Variants in OTUD7A observed in about 807,000 individuals in gnomAD.
OTUD7A encodes OTU deubiquitinase 7A.
A neutral mutation model predicts 65.7 loss-of-function variants in OTUD7A; 12 were observed. The ratio of observed to expected loss-of-function variants is 0.18; its 90% CI spans 0.12 to 0.30. OTUD7A has a LOEUF of 0.30. Among genes scored for constraint, OTUD7A ranks in the 10% least tolerant of loss-of-function variants. The pLI, the probability that OTUD7A is intolerant of heterozygous loss-of-function variation, is 1.00. For synonymous variants in OTUD7A, 641 were observed against 586.3 expected (o/e 1.09, Z -1.35); for missense variants, 1,148 against 1,304.8 (o/e 0.88, Z 1.85).
intron 1 of OTUD7A, among the ~76,000 whole-genome samples, chr15:31,713,641 C>T (rs1454245394): frequency 6.7e-6 from 1 of 149,380 alleles, no homozygotes; most frequent in African/African-American, 2.5e-5. Context: ...AATAAAAAAC[C>T]CTAACAGATA....
chr15:31,483,844 G>A lies in OTUD7A; in HGVS notation c.2252C>T (p.Ser751Phe), dbSNP rs2041181249. ...CGCACGCCGCGCGCCTCCCCCCGGG[G>A]AGGCCGTGCCGCCCGCCGCCGCCCG... is the stretch of plus-strand genomic sequence containing the variant. ...AARAAAGGTASPGGGARRASA... is the reference protein window; with the variant it reads ...AARAAAGGTAFPGGGARRASA... The change falls in exon 13 of 13, where the codon TCC becomes TTC. Residue 751 changes from serine (S) to phenylalanine (F), a missense_variant. By Grantham distance (155) the Ser-to-Phe change is radical. Around this residue, in one of 6 missense-constraint regions of OTUD7A, gnomAD observed 842 missense variants for 769.5 expected, o/e 1.09. Coordinates refer to ENST00000307050, the MANE Select transcript of OTUD7A (RefSeq NM_001382637.1). The A allele has an allele frequency of 1.0e-6, 1 of 983,010 alleles. No homozygotes were observed. Among genetic ancestry groups the A allele is most frequent in the Non-Finnish European group, 1.2e-6 (1 of 829,966 alleles). The allele number at this position is 983,010 out of a possible 1,614,324, so 60.9% of individuals were successfully genotyped here.
chr15:31,741,791 A>C (rs567420172), intron 1 of OTUD7A, among the ~76,000 whole-genome samples: 1 of 152,178 alleles, frequency 6.6e-6, no homozygotes, highest in South Asian at 2.1e-4. Context: ...ATAGCAAAAT[A>C]AACACAAAAA....
At position 31,526,488 on chromosome 15, in the gene OTUD7A, G is replaced by T. The variant is rs779885146; in HGVS notation, c.781-27C>A. 45 of 1,526,598 alleles carry T rather than the reference G, an allele frequency of 2.9e-5. No homozygotes were observed. The East Asian group carries it at 8.2e-4, about 28-fold the overall frequency. 94.6% of individuals were successfully genotyped at this position (1,526,598 alleles called of 1,614,324 possible). On this transcript the variant is annotated intron_variant, in intron 7 of 12. Transcript: ENST00000307050. ...TGGCAGAGGGGAGCCGGCTCAGAAG[G>T]GGGGTGGGCCACAGCTGCGCTGCCC... is the stretch of plus-strand genomic sequence containing the variant.
rs114746197 is a variant in OTUD7A, at chr15:31,843,526, G to C, written c.-100+26981C>G. Reference sequence around the variant, plus strand: ...ATTTCCATTTAACACAATTACAGCAGCCTTCTAGGCCCTGGCACAGAAGCA... The same window carrying C: ...ATTTCCATTTAACACAATTACAGCACCCTTCTAGGCCCTGGCACAGAAGCA... On this transcript the variant is annotated intron_variant, in intron 1 of 12. Transcript: ENST00000307050. 7.0e-3 allele frequency among the ~76,000 whole-genome samples: 1,064 copies of C among 152,192 alleles called. 15 individuals are homozygous for C. Among genetic ancestry groups the C allele is most frequent in the African/African-American group, 0.025 (1,024 of 41,496 alleles).
chr15:31,515,267 G>A (rs1043751631), intron 8 of OTUD7A, among the ~76,000 whole-genome samples: 1 of 152,238 alleles, frequency 6.6e-6, no homozygotes, highest in East Asian at 1.9e-4. Context: ...GTGAATGGTA[G>A]CCCTCTCAGG....
At position 31,483,398 on chromosome 15, in the gene OTUD7A, C is replaced by T; in HGVS notation, c.2698G>A (p.Glu900Lys). 2 of 1,347,360 alleles carry T rather than the reference C, an allele frequency of 1.5e-6. No individual in the cohort carries two copies. The highest frequency in any genetic ancestry group is 1.9e-6 in the Non-Finnish European group (2 of 1,048,134). The allele number at this position is 1,347,360 out of a possible 1,614,324, so 83.5% of individuals were successfully genotyped here. The change falls in exon 13 of 13, where the codon GAG becomes AAG. Residue 900 changes from glutamate (E) to lysine (K), a missense_variant. Around this residue, in one of 6 missense-constraint regions of OTUD7A, gnomAD observed 842 missense variants for 769.5 expected, o/e 1.09. Coordinates refer to ENST00000307050, the MANE Select transcript of OTUD7A (RefSeq NM_001382637.1). ...GCGCGCCCGTAGAACGCACAGTTCT[C>T]GCGCTGGCAGCGCCGCTGCACCGGC... ...PGPVQRRCQR[E>K]NCAFYGRAET...
chr15:31,575,000 G>A (rs2141177354), intron 3 of OTUD7A, among the ~76,000 whole-genome samples: 1 of 152,238 alleles, frequency 6.6e-6, no homozygotes, highest in South Asian at 2.1e-4. Flanking sequence ...CCTTCCCATG[G>A]AAACTGCAAC....
chr15:31,778,344 A>T (rs1895444597), intron 1 of OTUD7A, among the ~76,000 whole-genome samples: 1 of 152,200 alleles, frequency 6.6e-6, no homozygotes, highest in Non-Finnish European at 1.5e-5. Flanking sequence ...CATGGGGTGC[A>T]GCTGGGGGAT....
At position 31,489,641 on chromosome 15, in the gene OTUD7A, A is replaced by T. The variant is rs190878109; in HGVS notation, c.1172-2075T>A. Among the ~76,000 whole-genome samples, 435 of 152,312 alleles carry T rather than the reference A, an allele frequency of 2.9e-3. 4 individuals are homozygous for T. The highest frequency in any genetic ancestry group is 0.01 in the African/African-American group (417 of 41,550). On this transcript the variant is annotated intron_variant, in intron 10 of 12. Transcript: ENST00000307050. ...CCATGGTGCCTGCAGAAGACAGCAG[A>T]TCTCCACTGAAGAGCTGCCTGACAA...
At chr15:31,806,480 G>A (rs1386420608) in intron 1 of OTUD7A, among the ~76,000 whole-genome samples, 1 of 152,178 alleles carries the variant, frequency 6.6e-6, no homozygotes, top group Non-Finnish European at 1.5e-5. Flanking sequence ...AGACATTCAA[G>A]ACTTCTGTCA....
intron 1 of OTUD7A, among the ~76,000 whole-genome samples, chr15:31,742,758 G>A (rs112125908): frequency 4.6e-5 from 7 of 152,156 alleles, no homozygotes; most frequent in Non-Finnish European, 5.9e-5. Context: ...CATAGGTAGC[G>A]CGAATGAAAA....
chr15:31,623,352 T>A (rs1328750469), intron 3 of OTUD7A, among the ~76,000 whole-genome samples: 3 of 152,230 alleles, frequency 2.0e-5, no homozygotes, highest in African/African-American at 7.2e-5. Flanking sequence ...AGCTATGCCC[T>A]GTCCCCAGAG....
At chr15:31,827,110 C>A (rs1266298841) in intron 1 of OTUD7A, among the ~76,000 whole-genome samples, 2 of 152,242 alleles carry the variant, frequency 1.3e-5, no homozygotes, top group African/African-American at 4.8e-5. Flanking sequence ...CGTATCTTTT[C>A]AGCAACATCC....
chr15:31,602,130 A>C (rs2141211849), intron 3 of OTUD7A, among the ~76,000 whole-genome samples: 1 of 152,334 alleles, frequency 6.6e-6, no homozygotes, highest in African/African-American at 2.4e-5. Flanking sequence ...CTGATACCAA[A>C]ACCTGGCAAA....
intron 3 of OTUD7A, chr15:31,649,755 G>C: frequency 2.2e-6 from 1 of 445,322 alleles, no homozygotes; most frequent in South Asian, 1.6e-5. Context: ...TGTCCCACTG[G>C]GTGCAGCCGG....
At chr15:31,713,318 C>A (rs542952802) in intron 1 of OTUD7A, among the ~76,000 whole-genome samples, 1 of 152,274 alleles carries the variant, frequency 6.6e-6, no homozygotes, top group Non-Finnish European at 1.5e-5. Context: ...GCCAAAACTA[C>A]TATTGAAATG....
intron 1 of OTUD7A, among the ~76,000 whole-genome samples, chr15:31,782,458 A>G (rs188805095): frequency 7.4e-4 from 113 of 152,340 alleles, no homozygotes; most frequent in African/African-American, 2.5e-3. Context: ...AGGACAAGCC[A>G]AACTAGGCAG....
chr15:31,821,072 CT>C (rs1228229314), intron 1 of OTUD7A, among the ~76,000 whole-genome samples: 13 of 151,502 alleles, frequency 8.6e-5, no homozygotes, highest in Admixed American at 5.3e-4. Flanking sequence ...TTGTGACTGG[CT>C]CCTTTTGCGT....
intron 1 of OTUD7A, among the ~76,000 whole-genome samples, chr15:31,744,433 C>A (rs548154000): frequency 6.6e-6 from 1 of 151,882 alleles, no homozygotes; most frequent in African/African-American, 2.4e-5. Context: ...TAAGATAGGG[C>A]AAACATTCAA....
Sources: allele counts gnomAD v4.1 joint callset (sites outside exome capture counted in the v4.1 genomes callset), GRCh38; gene constraint gnomAD v4.1.1; regional missense constraint gnomAD v4.1.1; transcripts MANE v1.5; gene names NCBI Gene and HGNC (gene_info 2026-07-23, HGNC 2026-07-21).